GALNT18: variants seen among roughly 807,000 people sequenced by gnomAD.
The protein encoded by GALNT18 is polypeptide N-acetylgalactosaminyltransferase 18.
GALNT18 carries 44 observed loss-of-function variants against 69.5 expected under a neutral mutation model. That is an observed-to-expected ratio of 0.63 (90% CI 0.50 to 0.81). The LOEUF is 0.81. Ranked by LOEUF, GALNT18 falls within the 40% of genes least tolerant of loss-of-function variation. The pLI is 0.00. For synonymous variants in GALNT18, 364 were observed against 318.2 expected (o/e 1.14, Z -1.53); for missense variants, 715 against 810.0 (o/e 0.88, Z 1.42).
Position 11,582,097 on chromosome 11 carries a change from G to A in GALNT18, c.235+39262C>T, listed in dbSNP as rs1381426655. ...CAGAGGCAGTGGGAAAGAGTAGAAT[G>A]GGCTGCTAGGGAAAGCCTCCCTGGA... On this transcript the variant is annotated intron_variant, in intron 1 of 10. Coordinates refer to ENST00000227756, the MANE Select transcript of GALNT18 (RefSeq NM_198516.3). The surrounding 1 kb of genome is among the most constrained non-coding windows in gnomAD (Gnocchi z 5.0). 6.6e-6 allele frequency among the ~76,000 whole-genome samples: 1 copy of A among 151,964 alleles called. No individual in the cohort carries two copies. The highest frequency in any genetic ancestry group is 1.5e-5 in the Non-Finnish European group (1 of 67,994).
chr11:11,338,011 T>C lies in GALNT18; in HGVS notation c.1278+2808A>G, dbSNP rs143618164. On this transcript the variant is annotated intron_variant, in intron 7 of 10. Transcript: ENST00000227756. This position sits in a 1 kb window ranked among gnomAD's most constrained non-coding sequence, Gnocchi z 5.3. ...GACAGTCTCGCTCTGTCACCCAGGCTGGAGTGAGTGCAGTGGCACGATCTC... is the reference window on the plus strand; with the variant it reads ...GACAGTCTCGCTCTGTCACCCAGGCCGGAGTGAGTGCAGTGGCACGATCTC... Among the ~76,000 whole-genome samples the C allele has an allele frequency of 0.057, 8,469 of 148,088 alleles. 302 individuals carry two copies. The highest frequency in any genetic ancestry group is 0.17 in the East Asian group (847 of 4,986).
chr11:11,292,942 TCTC>T lies in GALNT18; in HGVS notation c.1677+84_1677+86del, dbSNP rs1476754254. 11 of 1,232,054 alleles carry T rather than the reference TCTC, an allele frequency of 8.9e-6. No individual in the cohort carries two copies. The South Asian group carries it at 3.1e-4, about 35-fold the overall frequency. 76.3% of individuals were successfully genotyped at this position (1,232,054 alleles called of 1,614,324 possible). On this transcript the variant is annotated intron_variant, in intron 10 of 10. Coordinates refer to ENST00000227756, the MANE Select transcript of GALNT18 (RefSeq NM_198516.3). ...AGTCTGTCTCTCCTTCCCCTTCCCC[TCTC>T]CTCCACCACCTCCCTGGCCCCTGAG...
chr11:11,611,327 C>A lies in GALNT18; in HGVS notation c.235+10032G>T, dbSNP rs189781951. On this transcript the variant is annotated intron_variant, in intron 1 of 10. Coordinates refer to ENST00000227756, the MANE Select transcript of GALNT18 (RefSeq NM_198516.3). ...CCTGAGAGGCTCAGACAGTTGAAAA[C>A]CAGAGAATGCCAAAGCGGAAGGAAT... is the stretch of plus-strand genomic sequence containing the variant. 1.3e-3 allele frequency among the ~76,000 whole-genome samples: 197 copies of A among 152,134 alleles called. 1 individual carries two copies. Among genetic ancestry groups the A allele is most frequent in the African/African-American group, 4.7e-3 (194 of 41,504 alleles).
intron 1 of GALNT18, among the ~76,000 whole-genome samples, chr11:11,487,819 G>A (rs1218664121): frequency 6.6e-6 from 1 of 152,192 alleles, no homozygotes; most frequent in Non-Finnish European, 1.5e-5. Flanking sequence ...CTGCACCTGA[G>A]CTCACTTTTC....
In GALNT18 at chr11:11,543,296, G is replaced by T. The variant is rs1857967857; in HGVS notation, c.235+78063C>A. The stretch of plus-strand genomic sequence containing the variant: ...GCATCCTTGAGAGTAAGTAGAATTT[G>T]TGGCCTAGGTGTCCACTGTCTTAGC... On this transcript the variant is annotated intron_variant, in intron 1 of 10. Coordinates refer to ENST00000227756, the MANE Select transcript of GALNT18 (RefSeq NM_198516.3). The surrounding 1 kb of genome is among the most constrained non-coding windows in gnomAD (Gnocchi z 5.1). Among the ~76,000 whole-genome samples, 1 of 152,214 alleles carries T rather than the reference G, an allele frequency of 6.6e-6. No individual in the cohort carries two copies. The highest frequency in any genetic ancestry group is 2.1e-4 in the South Asian group (1 of 4,824).
chr11:11,395,485 G>C (rs1046587501), intron 3 of GALNT18, among the ~76,000 whole-genome samples: 2 of 152,252 alleles, frequency 1.3e-5, no homozygotes, highest in Admixed American at 6.5e-5. Context: ...ATGATCCCAT[G>C]AGATGGGGAA....
At chr11:11,593,518 G>C (rs61870394) in intron 1 of GALNT18, among the ~76,000 whole-genome samples, 1 of 152,172 alleles carries the variant, frequency 6.6e-6, no homozygotes, top group Non-Finnish European at 1.5e-5. Flanking sequence ...GAGGAACTTT[G>C]TTCCTTTTTG....
intron 1 of GALNT18, among the ~76,000 whole-genome samples, chr11:11,529,636 T>TACAC (rs750630145): frequency 6.4e-4 from 90 of 141,370 alleles, no homozygotes; most frequent in African/African-American, 2.2e-3. Flanking sequence ...TATATATATA[T>TACAC]ATACACACAC....
intron 1 of GALNT18, among the ~76,000 whole-genome samples, chr11:11,477,849 T>A (rs1590038298): frequency 6.6e-6 from 1 of 152,178 alleles, no homozygotes; most frequent in East Asian, 1.9e-4. Context: ...GGAGTCTTGT[T>A]TATTCAAAGT....
chr11:11,502,705 C>A (rs1164939506), intron 1 of GALNT18, among the ~76,000 whole-genome samples: 1 of 152,256 alleles, frequency 6.6e-6, no homozygotes, highest in African/African-American at 2.4e-5. Flanking sequence ...GAAATGCAAA[C>A]ATCCTCATTT....
At chr11:11,460,705 T>C (rs781322282) in intron 1 of GALNT18, among the ~76,000 whole-genome samples, 1 of 152,166 alleles carries the variant, frequency 6.6e-6, no homozygotes, top group Non-Finnish European at 1.5e-5. Flanking sequence ...GACGGAATCA[T>C]TATAGTGTCC....
intron 10 of GALNT18, among the ~76,000 whole-genome samples, chr11:11,274,828 A>T (rs1480368367): frequency 6.6e-6 from 1 of 152,116 alleles, no homozygotes; most frequent in African/African-American, 2.4e-5. Context: ...TGCTGTTCTT[A>T]TGATAGTTTG....
At position 11,421,426 on chromosome 11, in the gene GALNT18, C is replaced by G. The variant is rs1016144544; in HGVS notation, c.595+11195G>C. ...CCATGATGTAGGAAGCCAGGTGGAT[C>G]GAACCGTGGAAGCAGAGCCCCAGTT... On this transcript the variant is annotated intron_variant, in intron 3 of 10. Transcript: ENST00000227756. The surrounding 1 kb of genome is among the most constrained non-coding windows in gnomAD (Gnocchi z 5.6). 2.6e-5 allele frequency among the ~76,000 whole-genome samples: 4 copies of G among 152,054 alleles called. No homozygotes were observed. Among genetic ancestry groups the G allele is most frequent in the African/African-American group, 9.7e-5 (4 of 41,402 alleles).
At chr11:11,275,318 T>A (rs1478973657) in intron 10 of GALNT18, among the ~76,000 whole-genome samples, 1 of 147,372 alleles carries the variant, frequency 6.8e-6, no homozygotes, top group Non-Finnish European at 1.5e-5. Context: ...TTTTTTCATG[T>A]GTCTGTTGGC....
rs1859686161 is a variant in GALNT18 at position 11,603,763 on chromosome 11, AG to A, written c.235+17595del. Among the ~76,000 whole-genome samples the A allele has an allele frequency of 6.6e-6, 1 of 152,204 alleles. No individual in the cohort carries two copies. Among genetic ancestry groups the A allele is most frequent in the Non-Finnish European group, 1.5e-5 (1 of 68,042 alleles). On this transcript the variant is annotated intron_variant, in intron 1 of 10. Coordinates refer to ENST00000227756, the MANE Select transcript of GALNT18 (RefSeq NM_198516.3). This position sits in a 1 kb window ranked among gnomAD's most constrained non-coding sequence, Gnocchi z 4.5. Reference sequence around the variant, plus strand: ...GACTAAGGTCTCCCAAGAGGGGAAAAGGGGGACAGAAATTACTGAAATCAGA... The same window carrying A: ...GACTAAGGTCTCCCAAGAGGGGAAAAGGGGACAGAAATTACTGAAATCAGA...
intron 3 of GALNT18, among the ~76,000 whole-genome samples, chr11:11,417,490 T>C (rs1025343339): frequency 3.9e-5 from 6 of 152,176 alleles, no homozygotes; most frequent in Non-Finnish European, 5.9e-5. Flanking sequence ...ACAGACAGAC[T>C]AGGGCCATAT....
chr11:11,447,001 C>A (rs868713019), intron 2 of GALNT18, among the ~76,000 whole-genome samples: 1 of 152,116 alleles, frequency 6.6e-6, no homozygotes, highest in Non-Finnish European at 1.5e-5. Context: ...TTTAAGGCTC[C>A]CGTGATGTGT....
chr11:11,276,788 G>C (rs1381949183), intron 10 of GALNT18, among the ~76,000 whole-genome samples: 1 of 152,128 alleles, frequency 6.6e-6, no homozygotes, highest in Non-Finnish European at 1.5e-5. Flanking sequence ...TTTGTCACTG[G>C]TTCTGTTTAT....
intron 10 of GALNT18, among the ~76,000 whole-genome samples, chr11:11,288,599 A>G (rs1849238788): frequency 1.3e-5 from 2 of 152,134 alleles, no homozygotes; most frequent in Admixed American, 1.3e-4. Context: ...TGCTCAATAA[A>G]TGTTTGATGA....
Sources: gnomAD v4.1 joint callset for allele counts (sites outside exome capture counted in the v4.1 genomes callset) on GRCh38, gnomAD v4.1.1 for gene constraint, Gnocchi (gnomAD v3.1) non-coding constraint, MANE v1.5 for transcripts, NCBI Gene and HGNC (gene_info 2026-07-23, HGNC 2026-07-21) for gene names.